Variants in CTNND2 observed in about 807,000 individuals in gnomAD.
The protein encoded by CTNND2 is catenin delta 2.
A neutral mutation model predicts 144.4 loss-of-function variants in CTNND2; 22 were observed. The observed-to-expected ratio is 0.15, with a 90% CI of 0.11 to 0.22. The LOEUF is 0.22. Among genes scored for constraint, CTNND2 ranks in the 10% least tolerant of loss-of-function variants. CTNND2 has a pLI of 1.00. For missense variants in CTNND2, 1,353 were observed against 1,618.8 expected (o/e 0.84, Z 2.82); for synonymous variants, 751 against 695.6 (o/e 1.08, Z -1.25).
chr5:11,327,450 A>G (rs1199878000), intron 9 of CTNND2, among the ~76,000 whole-genome samples: 1 of 152,196 alleles, frequency 6.6e-6, no homozygotes, highest in Admixed American at 6.5e-5. Context: ...TAAAAGGTAA[A>G]TTGTCTTCAC....
At chr5:11,226,235 ACTCT>A (rs1740338323) in intron 10 of CTNND2, among the ~76,000 whole-genome samples, 1 of 152,020 alleles carries the variant, frequency 6.6e-6, no homozygotes, top group African/African-American at 2.4e-5. Flanking sequence ...GCTCTGAGGT[ACTCT>A]CTCTGACTGC....
chr5:11,134,905 A>G (rs926126660), intron 12 of CTNND2, among the ~76,000 whole-genome samples: 1 of 152,244 alleles, frequency 6.6e-6, no homozygotes, highest in Admixed American at 6.5e-5. Context: ...AAAGCTGCAC[A>G]GAAAGGTCAA....
chr5:11,513,447 A>C (rs1276897030), intron 3 of CTNND2, among the ~76,000 whole-genome samples: 1 of 152,214 alleles, frequency 6.6e-6, no homozygotes, highest in Non-Finnish European at 1.5e-5. Context: ...GGTTTGATCA[A>C]TGTGATCAAG....
At chr5:11,051,211 A>G (rs1235701748) in intron 16 of CTNND2, among the ~76,000 whole-genome samples, 3 of 152,218 alleles carry the variant, frequency 2.0e-5, no homozygotes, top group Non-Finnish European at 4.4e-5. Context: ...CATTTGCCCA[A>G]TGGCCAGAGC....
intron 1 of CTNND2, among the ~76,000 whole-genome samples, chr5:11,880,863 CACT>C (rs1335679348): frequency 1.9e-4 from 23 of 121,030 alleles, no homozygotes; most frequent in African/African-American, 5.3e-4. Context: ...CTACTACTAC[CACT>C]ACTACTGCTA....
chr5:11,753,690 T>G (rs1050125965), intron 1 of CTNND2, among the ~76,000 whole-genome samples: 9 of 151,944 alleles, frequency 5.9e-5, no homozygotes, highest in African/African-American at 1.9e-4. Context: ...CCTCATAGAA[T>G]AAGTTAGGGA....
chr5:11,408,275 A>C (rs577288143), intron 5 of CTNND2, among the ~76,000 whole-genome samples: 6 of 152,150 alleles, frequency 3.9e-5, no homozygotes, highest in Non-Finnish European at 8.8e-5. Flanking sequence ...TACACAGAGC[A>C]ATTTAGATTT....
At chr5:11,745,285 A>C (rs1788246780) in intron 1 of CTNND2, among the ~76,000 whole-genome samples, 1 of 152,072 alleles carries the variant, frequency 6.6e-6, no homozygotes, top group East Asian at 1.9e-4. Flanking sequence ...CATTCTCAGG[A>C]GTCTTCTTTA....
intron 3 of CTNND2, among the ~76,000 whole-genome samples, chr5:11,459,415 G>A (rs570420110): frequency 9.9e-5 from 15 of 152,168 alleles, no homozygotes; most frequent in East Asian, 1.9e-4. Context: ...GACTCTACTC[G>A]GAAGAATTCA....
chr5:11,775,252 G>T lies in CTNND2; in HGVS notation c.38-42980C>A, dbSNP rs898827487. Reference sequence around the variant, plus strand: ...CCTAAATTCTCGGAGAACAAGAAAGGACTTGGGCATTTGAATTGACGAAAA... The same window carrying T: ...CCTAAATTCTCGGAGAACAAGAAAGTACTTGGGCATTTGAATTGACGAAAA... On this transcript the variant is annotated intron_variant, in intron 1 of 21. Transcript: ENST00000304623. 4.2e-4 allele frequency among the ~76,000 whole-genome samples: 64 copies of T among 152,206 alleles called. 1 individual carries two copies. Among genetic ancestry groups the T allele is most frequent in the African/African-American group, 1.4e-3 (58 of 41,526 alleles).
intron 3 of CTNND2, among the ~76,000 whole-genome samples, chr5:11,447,271 G>T (rs2149905042): frequency 6.6e-6 from 1 of 152,086 alleles, no homozygotes; most frequent in Non-Finnish European, 1.5e-5. Flanking sequence ...GAACCCGGGA[G>T]GCGGAGGTTG....
intron 5 of CTNND2, among the ~76,000 whole-genome samples, chr5:11,403,445 G>C (rs544780721): frequency 6.6e-6 from 1 of 152,268 alleles, no homozygotes; most frequent in East Asian, 1.9e-4. Flanking sequence ...TGGAAGACAT[G>C]AGCAAACTGA....
At chr5:11,870,470 C>A (rs1409326584) in intron 1 of CTNND2, among the ~76,000 whole-genome samples, 1 of 152,196 alleles carries the variant, frequency 6.6e-6, no homozygotes, top group Non-Finnish European at 1.5e-5. Context: ...GTACAGTCAG[C>A]AAACTTGGAG....
intron 2 of CTNND2, among the ~76,000 whole-genome samples, chr5:11,726,625 T>G (rs1273566925): frequency 2.0e-5 from 3 of 152,184 alleles, no homozygotes; most frequent in Non-Finnish European, 2.9e-5. Context: ...CATATGAATA[T>G]TTAACAATGA....
chr5:11,296,581 C>T (rs1189153991), intron 9 of CTNND2, among the ~76,000 whole-genome samples: 3 of 152,106 alleles, frequency 2.0e-5, no homozygotes, highest in East Asian at 1.9e-4. Context: ...TTGGAACCAA[C>T]CCAAATGTCC....
intron 2 of CTNND2, among the ~76,000 whole-genome samples, chr5:11,686,976 C>G (rs909066506): frequency 1.3e-5 from 2 of 151,664 alleles, no homozygotes; most frequent in Non-Finnish European, 2.9e-5. Context: ...CATTTCCCAT[C>G]CCTCCCAGGG....
chr5:11,726,768 T>C (rs1228253668), intron 2 of CTNND2, among the ~76,000 whole-genome samples: 1 of 152,278 alleles, frequency 6.6e-6, no homozygotes, highest in East Asian at 1.9e-4. Flanking sequence ...ATAGCTCCAG[T>C]GCTCTGTAAA....
At chr5:11,336,437 C>T (rs1178980687) in intron 9 of CTNND2, among the ~76,000 whole-genome samples, 1 of 152,194 alleles carries the variant, frequency 6.6e-6, no homozygotes, top group Non-Finnish European at 1.5e-5. Context: ...CTTATCCATA[C>T]TTCTATAAGG....
chr5:11,601,766 A>G (rs1359986306), intron 2 of CTNND2, among the ~76,000 whole-genome samples: 1 of 152,202 alleles, frequency 6.6e-6, no homozygotes, highest in Non-Finnish European at 1.5e-5. Context: ...TGAATTTAAT[A>G]ACAGAAAGCT....
Sources: gnomAD v4.1 joint callset for allele counts (sites outside exome capture counted in the v4.1 genomes callset) on GRCh38, gnomAD v4.1.1 for gene constraint, MANE v1.5 for transcripts, NCBI Gene and HGNC (gene_info 2026-07-23, HGNC 2026-07-21) for gene names.